The following TBCD variants were observed in gnomAD, a reference collection of about 807,000 sequenced individuals.
The protein encoded by TBCD is tubulin folding cofactor D, also known as tubulin-specific chaperone D.
A neutral mutation model predicts 169.3 loss-of-function variants in TBCD; 105 were observed. The observed-to-expected ratio is 0.62, with a 90% CI of 0.53 to 0.73. The LOEUF (loss-of-function observed/expected upper bound fraction) is 0.73. Ranked by LOEUF, TBCD falls within the 30% of genes least tolerant of loss-of-function variation. The pLI is 0.00. For missense variants in TBCD, 1,444 were observed against 1,600.1 expected (o/e 0.90, Z 1.66); for synonymous variants, 700 against 643.9 (o/e 1.09, Z -1.32).
chr17:82,875,501 A>C lies in TBCD; in HGVS notation c.1475+5121A>C, dbSNP rs8078446. On this transcript the variant is annotated intron_variant, in intron 14 of 38. Coordinates refer to ENST00000355528, the MANE Select transcript of TBCD (RefSeq NM_005993.5). ...CCTGAAACTCTTTTGTAAGCAGCTC[A>C]TGTTGACATCAGCTCCGCCCAGGCA... 1.8e-4 allele frequency among the ~76,000 whole-genome samples: 27 copies of C among 152,390 alleles called. No individual in the cohort carries two copies. The East Asian group carries it at 3.3e-3, about 18-fold the overall frequency.
intron 13 of TBCD, among the ~76,000 whole-genome samples, chr17:82,869,918 G>A (rs2057436833): frequency 6.6e-6 from 1 of 152,212 alleles, no homozygotes; most frequent in Non-Finnish European, 1.5e-5. Context: ...AGTCTCCTCA[G>A]ACTCGGCAGA....
intron 2 of TBCD, among the ~76,000 whole-genome samples, chr17:82,759,469 G>A (rs2047633325): frequency 6.6e-6 from 1 of 151,980 alleles, no homozygotes; most frequent in African/African-American, 2.4e-5. Flanking sequence ...GTGGGCTACA[G>A]AGCCAGACTG....
intron 13 of TBCD, among the ~76,000 whole-genome samples, chr17:82,857,434 T>C (rs2056402712): frequency 1.3e-5 from 2 of 152,194 alleles, no homozygotes; most frequent in Admixed American, 1.3e-4. Flanking sequence ...TTTGATAATG[T>C]CTTTGTATTG....
At chr17:82,935,853 G>C (rs560450119) in intron 34 of TBCD, among the ~76,000 whole-genome samples, 43 of 152,292 alleles carry the variant, frequency 2.8e-4, no homozygotes, top group Middle Eastern at 3.4e-3. Flanking sequence ...CCCCCCATCG[G>C]GGTTCACATT....
intron 14 of TBCD, among the ~76,000 whole-genome samples, chr17:82,877,409 G>A (rs920471201): frequency 3.3e-5 from 5 of 151,944 alleles, no homozygotes; most frequent in African/African-American, 1.2e-4. Flanking sequence ...GCAGTGGTGC[G>A]ATCTTGGCTC....
At chr17:82,844,143 T>C (rs954950369) in intron 13 of TBCD, among the ~76,000 whole-genome samples, 4 of 151,844 alleles carry the variant, frequency 2.6e-5, no homozygotes, top group African/African-American at 9.7e-5. Context: ...GCTTTTCTTA[T>C]CTAAGGATTT....
At chr17:82,852,537 C>T (rs1023977086) in intron 13 of TBCD, among the ~76,000 whole-genome samples, 4 of 152,102 alleles carry the variant, frequency 2.6e-5, no homozygotes, top group Non-Finnish European at 4.4e-5. Flanking sequence ...GCTGCGTGCT[C>T]GCCGTTCGGT....
chr17:82,811,508 C>T (rs1458089094), intron 12 of TBCD, among the ~76,000 whole-genome samples: 2 of 152,134 alleles, frequency 1.3e-5, no homozygotes, highest in Non-Finnish European at 2.9e-5. Flanking sequence ...GGCCTTTTTA[C>T]TCTTGATTTC....
At chr17:82,820,981 G>GCT (rs1322252367) in intron 13 of TBCD, among the ~76,000 whole-genome samples, 1 of 151,960 alleles carries the variant, frequency 6.6e-6, no homozygotes, top group African/African-American at 2.4e-5. Context: ...TTTGAGACAG[G>GCT]GTCTTGCTCT....
In TBCD at chr17:82,835,780, A is replaced by G. The variant is rs945997252; in HGVS notation, c.1318+20846A>G. On this transcript the variant is annotated intron_variant, in intron 13 of 38. Transcript: ENST00000355528. The surrounding 1 kb of genome is among the most constrained non-coding windows in gnomAD (Gnocchi z 4.5). ...ACCCTTCCCCCTACAAACTGCCTCTATTAACATACTTTAAGTTCTTTAAGA... is the reference window on the plus strand; with the variant it reads ...ACCCTTCCCCCTACAAACTGCCTCTGTTAACATACTTTAAGTTCTTTAAGA... 2.4e-4 allele frequency among the ~76,000 whole-genome samples: 37 copies of G among 152,202 alleles called. No individual in the cohort carries two copies. The highest frequency in any genetic ancestry group is 8.4e-4 in the African/African-American group (35 of 41,464).
chr17:82,854,238 C>T (rs2056062721), intron 13 of TBCD, among the ~76,000 whole-genome samples: 1 of 152,236 alleles, frequency 6.6e-6, no homozygotes, highest in Non-Finnish European at 1.5e-5. Context: ...TGACACTCTG[C>T]AGGTGATGGG....
intron 23 of TBCD, among the ~76,000 whole-genome samples, chr17:82,919,157 C>T (rs937541268): frequency 2.6e-4 from 39 of 152,166 alleles, no homozygotes; most frequent in Admixed American, 7.9e-4. Flanking sequence ...TCGCCCGGCG[C>T]TTCCTTTCTC....
chr17:82,787,604 A>G (rs2049408922), intron 7 of TBCD, among the ~76,000 whole-genome samples: 1 of 152,232 alleles, frequency 6.6e-6, no homozygotes, highest in Non-Finnish European at 1.5e-5. Flanking sequence ...CCTGCTGTAC[A>G]TGATGAAACT....
intron 13 of TBCD, among the ~76,000 whole-genome samples, chr17:82,854,421 G>A (rs536527122): frequency 7.9e-5 from 12 of 152,344 alleles, no homozygotes; most frequent in Admixed American, 5.9e-4. Flanking sequence ...GGACGCAGGC[G>A]CTGCAGGCTC....
At chr17:82,759,723 A>C (rs1160855320) in intron 2 of TBCD, among the ~76,000 whole-genome samples, 1 of 152,194 alleles carries the variant, frequency 6.6e-6, no homozygotes, top group Non-Finnish European at 1.5e-5. Flanking sequence ...CTAATCAGTT[A>C]TGTAAGCCTC....
intron 14 of TBCD, among the ~76,000 whole-genome samples, chr17:82,881,967 G>A (rs1166447177): frequency 6.7e-6 from 1 of 150,248 alleles, no homozygotes; most frequent in East Asian, 2.0e-4. Context: ...TGTGAGACTT[G>A]CAGGCATTTC....
At chr17:82,934,870 G>A (rs1157694085) in intron 34 of TBCD, among the ~76,000 whole-genome samples, 4 of 152,118 alleles carry the variant, frequency 2.6e-5, no homozygotes, top group East Asian at 1.9e-4. Context: ...AGGCCAAGGC[G>A]AGTGGATCAC....
chr17:82,930,586 T>G lies in TBCD; in HGVS notation c.3056T>G (p.Leu1019Arg). Reference protein sequence around the residue: ...MKGIQSDPQALGSFSGTLLQI... With the variant: ...MKGIQSDPQARGSFSGTLLQI... ...GGCATTCAGAGCGACCCGCAGGCCC[T>G]GGGCAGCTTCAGCGGGACCCTTCTG... Residue 1019 changes from leucine (L) to arginine (R), a missense_variant, in exon 33 of 39, where the codon CTG becomes CGG. Transcript: ENST00000355528. This position sits in a 1 kb window ranked among gnomAD's most constrained non-coding sequence, Gnocchi z 5.2. The G allele has an allele frequency of 6.2e-7, 1 of 1,613,932 alleles. No homozygotes were observed. Among genetic ancestry groups the G allele is most frequent in the East Asian group, 2.2e-5 (1 of 44,880 alleles).
intron 2 of TBCD, among the ~76,000 whole-genome samples, chr17:82,757,539 G>T (rs555108442): frequency 9.2e-5 from 14 of 151,638 alleles, no homozygotes; most frequent in Non-Finnish European, 1.5e-4. Context: ...GGAGAATGGC[G>T]TGAACCCGGG....
Sources: allele counts gnomAD v4.1 joint callset (sites outside exome capture counted in the v4.1 genomes callset), GRCh38; gene constraint gnomAD v4.1.1; non-coding constraint Gnocchi (gnomAD v3.1); transcripts MANE v1.5; gene names NCBI Gene and HGNC (gene_info 2026-07-23, HGNC 2026-07-21).